Variants in CSMD1 observed in about 807,000 individuals in gnomAD.
The protein encoded by CSMD1 is CUB and sushi domain-containing protein 1.
A neutral mutation model predicts 417.5 loss-of-function variants in CSMD1; 213 were observed. The observed-to-expected ratio is 0.51, with a 90% CI of 0.46 to 0.57. The LOEUF (loss-of-function observed/expected upper bound fraction) is 0.57. Among genes scored for constraint, CSMD1 ranks in the 20% least tolerant of loss-of-function variants. The pLI, the probability that CSMD1 is intolerant of heterozygous loss-of-function variation, is 0.00. For missense variants in CSMD1, 6,923 were observed against 4,529.7 expected (o/e 1.53, Z -15.17); for synonymous variants, 2,862 against 1,736.8 (o/e 1.65, Z -16.11).
At chr8:3,550,857 C>T (rs892721576) in intron 10 of CSMD1, among the ~76,000 whole-genome samples, 2 of 152,138 alleles carry the variant, frequency 1.3e-5, no homozygotes, top group African/African-American at 2.4e-5. Flanking sequence ...AGGGTGTATG[C>T]AATATGCATT....
intron 3 of CSMD1, among the ~76,000 whole-genome samples, chr8:4,272,236 T>A (rs181271673): frequency 2.0e-5 from 3 of 152,224 alleles, no homozygotes; most frequent in Non-Finnish European, 4.4e-5. Context: ...TAGTACTTTA[T>A]GCCCTTAATA....
intron 17 of CSMD1, among the ~76,000 whole-genome samples, chr8:3,392,815 G>A (rs989360010): frequency 2.0e-5 from 3 of 152,102 alleles, no homozygotes; most frequent in Non-Finnish European, 2.9e-5. Flanking sequence ...CACCCTCTGA[G>A]TGGGTTGCGA....
intron 3 of CSMD1, among the ~76,000 whole-genome samples, chr8:4,249,533 G>C (rs1373350483): frequency 1.3e-5 from 2 of 152,196 alleles, no homozygotes; most frequent in East Asian, 3.8e-4. Context: ...GACGTGCACT[G>C]TGACTCTCAG....
chr8:4,078,102 C>G (rs1799928852), intron 3 of CSMD1, among the ~76,000 whole-genome samples: 1 of 152,100 alleles, frequency 6.6e-6, no homozygotes, highest in African/African-American at 2.4e-5. Context: ...GAGAAATCTT[C>G]AAATAATTTA....
At chr8:3,826,192 G>A (rs951806578) in intron 5 of CSMD1, among the ~76,000 whole-genome samples, 3 of 152,156 alleles carry the variant, frequency 2.0e-5, no homozygotes, top group Admixed American at 6.5e-5. Flanking sequence ...GCCCTGTGGA[G>A]GCCTTCACGG....
chr8:3,495,976 A>G (rs1284692009), intron 10 of CSMD1, among the ~76,000 whole-genome samples: 1 of 152,154 alleles, frequency 6.6e-6, no homozygotes, highest in Non-Finnish European at 1.5e-5. Flanking sequence ...AACACGTGCC[A>G]TGGTGGTTTG....
chr8:4,785,580 C>A (rs1797361221), intron 1 of CSMD1, among the ~76,000 whole-genome samples: 1 of 151,990 alleles, frequency 6.6e-6, no homozygotes, highest in Non-Finnish European at 1.5e-5. Context: ...TCCTGAGCCA[C>A]TTGGAAGTCA....
chr8:3,339,633 T>A (rs1442397), intron 23 of CSMD1, among the ~76,000 whole-genome samples: 1 of 152,142 alleles, frequency 6.6e-6, no homozygotes, highest in Admixed American at 6.5e-5. Context: ...TACTCTGATA[T>A]CCAATGCTTC....
chr8:3,571,894 C>T (rs1799958980), intron 10 of CSMD1, among the ~76,000 whole-genome samples: 1 of 152,144 alleles, frequency 6.6e-6, no homozygotes, highest in Admixed American at 6.5e-5. Flanking sequence ...GGTGTACTTC[C>T]GTCCTCTCCA....
intron 10 of CSMD1, among the ~76,000 whole-genome samples, chr8:3,516,306 G>T (rs1797279648): frequency 6.6e-6 from 1 of 152,186 alleles, no homozygotes; most frequent in Non-Finnish European, 1.5e-5. Context: ...GGATTATAAA[G>T]AATCCAAAGA....
intron 4 of CSMD1, among the ~76,000 whole-genome samples, chr8:4,016,144 T>C (rs781547658): frequency 1.3e-5 from 2 of 152,174 alleles, no homozygotes; most frequent in Non-Finnish European, 1.5e-5. Context: ...ACATTTTAGA[T>C]AGGATTGCAT....
rs10097348 is a variant in CSMD1 at position 3,038,199 on chromosome 8, C to G, written c.7661-8686G>C. On this transcript the variant is annotated intron_variant, in intron 50 of 69. Transcript: ENST00000635120. Reference sequence around the variant, plus strand: ...GGAATCTGATCTCAGCGAGACAAGACCAACACTAAATTCACCTCATCCAGT... The same window carrying G: ...GGAATCTGATCTCAGCGAGACAAGAGCAACACTAAATTCACCTCATCCAGT... Among the ~76,000 whole-genome samples the G allele has an allele frequency of 2.6e-5, 4 of 152,128 alleles. No individual in the cohort carries two copies. The East Asian group carries it at 7.7e-4, about 29-fold the overall frequency.
intron 1 of CSMD1, among the ~76,000 whole-genome samples, chr8:4,643,372 G>T (rs1284725987): frequency 6.6e-6 from 1 of 152,136 alleles, no homozygotes; most frequent in Non-Finnish European, 1.5e-5. Flanking sequence ...TTTCTGACAG[G>T]CAGATTTTTG....
intron 12 of CSMD1, among the ~76,000 whole-genome samples, chr8:3,430,035 T>C (rs1814118576): frequency 6.6e-6 from 1 of 152,010 alleles, no homozygotes; most frequent in African/African-American, 2.4e-5. Context: ...AGAGGATAAA[T>C]CAGAACAAAA....
chr8:3,893,742 C>G (rs1276453833), intron 5 of CSMD1, among the ~76,000 whole-genome samples: 6 of 152,046 alleles, frequency 3.9e-5, no homozygotes, highest in Non-Finnish European at 7.4e-5. Flanking sequence ...TTAACATTCG[C>G]TTTGTAATTG....
intron 3 of CSMD1, among the ~76,000 whole-genome samples, chr8:4,221,670 G>T (rs1801040278): frequency 6.6e-6 from 1 of 152,232 alleles, no homozygotes; most frequent in African/African-American, 2.4e-5. Flanking sequence ...GACAGGAGAG[G>T]CACTGCCATT....
chr8:4,736,756 G>C (rs147373602), intron 1 of CSMD1, among the ~76,000 whole-genome samples: 28 of 152,240 alleles, frequency 1.8e-4, no homozygotes, highest in Middle Eastern at 3.4e-3. Context: ...TTGGAAGCAG[G>C]TTTCATGTTT....
chr8:4,777,943 A>G (rs1473124549), intron 1 of CSMD1, among the ~76,000 whole-genome samples: 7 of 152,232 alleles, frequency 4.6e-5, no homozygotes, highest in African/African-American at 1.7e-4. Flanking sequence ...CGGTTGTAGT[A>G]GGGATGTGTG....
At chr8:3,539,696 T>G (rs1243053500) in intron 10 of CSMD1, among the ~76,000 whole-genome samples, 1 of 149,030 alleles carries the variant, frequency 6.7e-6, no homozygotes, top group Admixed American at 6.7e-5. Context: ...AAGTGTGGGA[T>G]AACAGTGTTT....
Sources: allele counts gnomAD v4.1 joint callset (sites outside exome capture counted in the v4.1 genomes callset), GRCh38; gene constraint gnomAD v4.1.1; transcripts MANE v1.5; gene names NCBI Gene and HGNC (gene_info 2026-07-23, HGNC 2026-07-21).